UBE2O: variants seen among roughly 807,000 people sequenced by gnomAD.
UBE2O encodes (E3-independent) E2 ubiquitin-conjugating enzyme.
A neutral mutation model predicts 125.8 loss-of-function variants in UBE2O; 15 were observed. The ratio of observed to expected loss-of-function variants is 0.12; its 90% CI spans 0.08 to 0.18. The LOEUF (loss-of-function observed/expected upper bound fraction) is 0.18. Ranked by LOEUF, UBE2O falls within the 10% of genes least tolerant of loss-of-function variation. The pLI, the probability that UBE2O is intolerant of heterozygous loss-of-function variation, is 1.00. For missense variants in UBE2O, 1,280 were observed against 1,723.6 expected (o/e 0.74, Z 4.56); for synonymous variants, 708 against 703.2 (o/e 1.01, Z -0.11).
rs549349817 is a variant in UBE2O at position 76,441,558 on chromosome 17, C to T, written c.417+11167G>A. ...ACCAAAGACGTACTAAAACTGAACC[C>T]ATTGACATCAACGAGGTTTGGAAGG... On this transcript the variant is annotated intron_variant, in intron 1 of 17. Coordinates refer to ENST00000319380, the MANE Select transcript of UBE2O (RefSeq NM_022066.4). Among the ~76,000 whole-genome samples, 3 of 152,248 alleles carry T rather than the reference C, an allele frequency of 2.0e-5. No homozygotes were observed. The East Asian group carries it at 5.8e-4, about 29-fold the overall frequency.
In UBE2O at chr17:76,398,916, G is replaced by C. The variant is rs555387632; in HGVS notation, c.1704C>G (p.Ile568Met). 6.2e-7 allele frequency: 1 copy of C among 1,614,158 alleles called. No homozygotes were observed. Among genetic ancestry groups the C allele is most frequent in the Admixed American group, 1.7e-5 (1 of 60,030 alleles). The change falls in exon 10 of 18, where the codon ATC becomes ATG. Residue 568 changes from isoleucine (I) to methionine (M), a missense_variant. Ile to Met is a conservative substitution (Grantham distance 10, BLOSUM62 1). Around this residue, in one of 10 missense-constraint regions of UBE2O, gnomAD observed 145 missense variants for 219.6 expected, o/e 0.66. Transcript: ENST00000319380. This position sits in a 1 kb window ranked among gnomAD's most constrained non-coding sequence, Gnocchi z 5.4. ...GCACAGGGAAGAGGTCGTTGGAGCG[G>C]ATGTTGCATTCCACGGAGCCATCCT... ...MWQDGSVECN[I>M]RSNDLFPVHH...
chr17:76,405,602 T>C lies in UBE2O; in HGVS notation c.418-30A>G, dbSNP rs1036252916. 7.0e-6 allele frequency: 11 copies of C among 1,561,196 alleles called. No homozygotes were observed. The African/African-American group carries it at 8.1e-5, about 11-fold the overall frequency. Reference sequence around the variant, plus strand: ...AAAAGAAAATACAGGTGTGAGAGAATGGACTCTGAAGCCACCACAGAATAC... The same window carrying C: ...AAAAGAAAATACAGGTGTGAGAGAACGGACTCTGAAGCCACCACAGAATAC... On this transcript the variant is annotated intron_variant, in intron 1 of 17. Coordinates refer to ENST00000319380, the MANE Select transcript of UBE2O (RefSeq NM_022066.4). The surrounding 1 kb of genome is among the most constrained non-coding windows in gnomAD (Gnocchi z 6.1).
chr17:76,442,106 C>T (rs2073083882), intron 1 of UBE2O, among the ~76,000 whole-genome samples: 1 of 152,170 alleles, frequency 6.6e-6, no homozygotes, highest in African/African-American at 2.4e-5. Flanking sequence ...AGGGGAAATG[C>T]AGCCAGAAGC....
chr17:76,452,770 G>A lies in UBE2O; in HGVS notation c.372C>T (p.Val124=), dbSNP rs902222162. 2.0e-6 allele frequency: 3 copies of A among 1,520,068 alleles called. No individual in the cohort carries two copies. The African/African-American group carries it at 4.3e-5, about 22-fold the overall frequency. The allele number at this position is 1,520,068 out of a possible 1,614,324, so 94.2% of individuals were successfully genotyped here. ...GCTTGACGCCCTCCGGGTACCACTG[G>A]ACGCGCACGTAGCCGCGGCGCAGGG... ...ASPLRRGYVR[V]QWYPEGVKQH... is the part of the protein sequence containing the mutation. Residue 124 remains valine, a synonymous_variant, in exon 1 of 18, where the codon GTC becomes GTT. Transcript: ENST00000319380. This position sits in a 1 kb window ranked among gnomAD's most constrained non-coding sequence, Gnocchi z 4.4.
chr17:76,390,083 C>A lies in UBE2O; in HGVS notation c.*860G>T, dbSNP rs924988083. 2.0e-5 allele frequency: 3 copies of A among 152,538 alleles called. No homozygotes were observed. 9.4% of individuals were successfully genotyped at this position (152,538 alleles called of 1,614,324 possible). On this transcript the variant is annotated 3_prime_UTR_variant, in exon 18 of 18. Coordinates refer to ENST00000319380, the MANE Select transcript of UBE2O (RefSeq NM_022066.4). ...CTTCTAGTCCAAGAGAGGGCTGGCTCGCTTGGAGTTCAGTGAGCTGCACGC... is the reference window on the plus strand; with the variant it reads ...CTTCTAGTCCAAGAGAGGGCTGGCTAGCTTGGAGTTCAGTGAGCTGCACGC...
At chr17:76,435,401 T>TACACACACACACAC (rs3219583) in intron 1 of UBE2O, among the ~76,000 whole-genome samples, 1 of 96,738 alleles carries the variant, frequency 1.0e-5, no homozygotes, top group African/African-American at 3.7e-5. Context: ...AATATACAGA[T>TACACACACACACAC]ACACACACAC....
At position 76,405,478 on chromosome 17, in the gene UBE2O, C is replaced by G. The variant is rs200497213; in HGVS notation, c.477+35G>C. 2.9e-5 allele frequency: 46 copies of G among 1,585,182 alleles called. No individual in the cohort carries two copies. In the East Asian group the frequency reaches 6.8e-4, roughly 23 times the overall value. On this transcript the variant is annotated intron_variant, in intron 2 of 17. Transcript: ENST00000319380. The surrounding 1 kb of genome is among the most constrained non-coding windows in gnomAD (Gnocchi z 6.1). ...CTCAAGTCCCTAAGGTGGCTGCCCC[C>G]AGGCCCGGGGCTGGGGTGGGGACGC...
chr17:76,417,438 T>C (rs992551328), intron 1 of UBE2O, among the ~76,000 whole-genome samples: 1 of 152,210 alleles, frequency 6.6e-6, no homozygotes, highest in African/African-American at 2.4e-5. Flanking sequence ...AAATGTATTA[T>C]TACAGTGAGG....
chr17:76,407,600 A>G (rs1371008671), intron 1 of UBE2O, among the ~76,000 whole-genome samples: 1 of 152,216 alleles, frequency 6.6e-6, no homozygotes, highest in South Asian at 2.1e-4. Flanking sequence ...GAACGCAGAC[A>G]CAGACCTAAA....
chr17:76,426,729 AT>A (rs1396263402), intron 1 of UBE2O, among the ~76,000 whole-genome samples: 4 of 152,118 alleles, frequency 2.6e-5, no homozygotes, highest in Non-Finnish European at 5.9e-5. Context: ...ACTGATTTCC[AT>A]TTTTTGTTGG....
In UBE2O at chr17:76,451,567, G is replaced by A. The variant is rs568144436; in HGVS notation, c.417+1158C>T. ...TTCTCAAGCCGTTGTCACAGACCCCGCTTTGTAGTTTGACATGAAACCCCG... is the reference window on the plus strand; with the variant it reads ...TTCTCAAGCCGTTGTCACAGACCCCACTTTGTAGTTTGACATGAAACCCCG... On this transcript the variant is annotated intron_variant, in intron 1 of 17. Coordinates refer to ENST00000319380, the MANE Select transcript of UBE2O (RefSeq NM_022066.4). 2.6e-5 allele frequency among the ~76,000 whole-genome samples: 4 copies of A among 152,190 alleles called. No homozygotes were observed. The East Asian group carries it at 5.8e-4, about 22-fold the overall frequency.
chr17:76,430,534 G>A (rs2072887688), intron 1 of UBE2O: 2 of 247,750 alleles, frequency 8.1e-6, no homozygotes, highest in African/African-American at 2.3e-5. Context: ...ATAACTTGAA[G>A]GGCCACAGTA....
intron 1 of UBE2O, among the ~76,000 whole-genome samples, chr17:76,440,732 C>A (rs2073065303): frequency 6.6e-6 from 1 of 152,234 alleles, no homozygotes; most frequent in African/African-American, 2.4e-5. Context: ...GTCCAGCCTA[C>A]TGCCTGTTTC....
At chr17:76,394,407 G>C (rs1158375969) in intron 15 of UBE2O, among the ~76,000 whole-genome samples, 7 of 152,184 alleles carry the variant, frequency 4.6e-5, no homozygotes, top group Admixed American at 4.6e-4. Flanking sequence ...ATGACTCAGA[G>C]ACACTAGGCC....
intron 1 of UBE2O, among the ~76,000 whole-genome samples, chr17:76,416,119 A>G (rs548328841): frequency 1.2e-4 from 18 of 151,046 alleles, no homozygotes; most frequent in African/African-American, 3.9e-4. Context: ...GTATACATAT[A>G]TACATATATG....
chr17:76,415,662 G>T (rs1374474379), intron 1 of UBE2O, among the ~76,000 whole-genome samples: 2 of 152,078 alleles, frequency 1.3e-5, no homozygotes, highest in Non-Finnish European at 2.9e-5. Context: ...AAAATCAGCT[G>T]GGTGTGGTGG....
Position 76,391,133 on chromosome 17 carries a change from G to A in UBE2O, c.3689C>T (p.Pro1230Leu). Residue 1230 changes from proline to leucine, a missense_variant, in exon 18 of 18, where the codon CCC becomes CTC. Pro to Leu is a moderately conservative substitution (Grantham distance 98). Transcript: ENST00000319380. The surrounding 1 kb of genome is among the most constrained non-coding windows in gnomAD (Gnocchi z 8.4). ...SETAPDASVP[P>L]SVKPKKRRKS... ...TCTCCGCTTCTTTGGTTTCACACTG[G>A]GTGGCACCGATGCGTCTGGTGCGGT... The A allele has an allele frequency of 1.2e-6, 2 of 1,614,102 alleles. No individual in the cohort carries two copies. Among genetic ancestry groups the A allele is most frequent in the Non-Finnish European group, 1.7e-6 (2 of 1,180,008 alleles).
intron 1 of UBE2O, among the ~76,000 whole-genome samples, chr17:76,422,521 A>G (rs1222997741): frequency 2.6e-5 from 4 of 152,242 alleles, no homozygotes; most frequent in Admixed American, 2.0e-4. Flanking sequence ...CCAGATGCCA[A>G]TGAAACATCT....
At chr17:76,409,479 C>T in intron 1 of UBE2O, among the ~76,000 whole-genome samples, 1 of 152,066 alleles carries the variant, frequency 6.6e-6, no homozygotes, top group South Asian at 2.1e-4. Flanking sequence ...TCACTGCAAC[C>T]TCCGCCTCTG....
Sources: allele counts gnomAD v4.1 joint callset (sites outside exome capture counted in the v4.1 genomes callset), GRCh38; gene constraint gnomAD v4.1.1; regional missense constraint gnomAD v4.1.1; non-coding constraint Gnocchi (gnomAD v3.1); transcripts MANE v1.5; gene names NCBI Gene and HGNC (gene_info 2026-07-23, HGNC 2026-07-21).